SRGAP1: variants seen among roughly 807,000 people sequenced by gnomAD.
SRGAP1 encodes the protein SLIT-ROBO Rho GTPase activating protein 1.
Under a neutral mutation model 121.9 loss-of-function variants are expected in SRGAP1, and 43 were observed. The observed-to-expected ratio is 0.35, with a 90% CI of 0.28 to 0.46. The LOEUF is 0.46. SRGAP1 is among the 20% of genes least tolerant of loss of function. SRGAP1 has a pLI of 1.00. For synonymous variants in SRGAP1, 447 were observed against 485.4 expected (o/e 0.92, Z 1.04); for missense variants, 1,102 against 1,350.9 (o/e 0.82, Z 2.89).
In SRGAP1 at chr12:63,900,583, C is replaced by T. The variant is rs940837166; in HGVS notation, c.67+55700C>T. 4.0e-5 allele frequency among the ~76,000 whole-genome samples: 6 copies of T among 151,874 alleles called. No individual in the cohort carries two copies. The East Asian group carries it at 5.9e-4, about 15-fold the overall frequency. On this transcript the variant is annotated intron_variant, in intron 1 of 21. Coordinates refer to ENST00000355086, the MANE Select transcript of SRGAP1 (RefSeq NM_020762.4). ...ATCGCAGCACTTTGGGAGGATGAGG[C>T]GGGAGGATCAGATGAGGCCAGGAGT...
At position 63,936,112 on chromosome 12, in the gene SRGAP1, T is replaced by G. The variant is rs545148915; in HGVS notation, c.68-47835T>G. ...TTTATTACTAGTGTTATAATAACAG[T>G]TATTTTTTTAAAAAGAGACTGCCCA... On this transcript the variant is annotated intron_variant, in intron 1 of 21. Coordinates refer to ENST00000355086, the MANE Select transcript of SRGAP1 (RefSeq NM_020762.4). Among the ~76,000 whole-genome samples, 7 of 149,580 alleles carry G rather than the reference T, an allele frequency of 4.7e-5. No homozygotes were observed. The East Asian group carries it at 1.4e-3, about 29-fold the overall frequency.
intron 1 of SRGAP1, among the ~76,000 whole-genome samples, 191 bp downstream of exon 1, chr12:63,845,074 C>T (rs1287523243): frequency 1.3e-5 from 2 of 152,234 alleles, no homozygotes; most frequent in East Asian, 1.9e-4. Flanking sequence ...GTCAAACCCA[C>T]GGGGAGCTGG....
chr12:64,038,680 G>A (rs1452510501), intron 4 of SRGAP1: 2 of 152,164 alleles, frequency 1.3e-5, no homozygotes, highest in South Asian at 2.1e-4. Context: ...TTATCATATA[G>A]GATATCCCAA....
chr12:64,041,845 G>T (rs901605429), intron 4 of SRGAP1, among the ~76,000 whole-genome samples: 1 of 148,002 alleles, frequency 6.8e-6, no homozygotes, highest in African/African-American at 2.5e-5. Flanking sequence ...GGTTATCTTT[G>T]ATTGCTTTTT....
In SRGAP1 at chr12:64,080,358, A is replaced by G. The variant is rs750401153; in HGVS notation, c.1396A>G (p.Thr466Ala). Residue 466 changes from threonine (T) to alanine (A), a missense_variant, in exon 10 of 22, where the codon ACC (threonine) becomes GCC (alanine). Transcript: ENST00000355086. ...AGCCAAACATGACTTGCTGCAGAGGACCCTGGGAGAAGGTGAGTTATCCAA... is the reference window on the plus strand; with the variant it reads ...AGCCAAACATGACTTGCTGCAGAGGGCCCTGGGAGAAGGTGAGTTATCCAA... Reference protein sequence around the residue: ...LQAKHDLLQRTLGEGHRAEYM... With the variant: ...LQAKHDLLQRALGEGHRAEYM... 2.0e-5 allele frequency: 32 copies of G among 1,613,420 alleles called. No homozygotes were observed. Among genetic ancestry groups the G allele is most frequent in the Middle Eastern group, 3.3e-4 (2 of 6,060 alleles).
At chr12:64,013,120 G>A (rs773072807) in intron 3 of SRGAP1, among the ~76,000 whole-genome samples, 4 of 152,256 alleles carry the variant, frequency 2.6e-5, no homozygotes, top group South Asian at 2.1e-4. Context: ...TAGTAATGTC[G>A]TATGCTAACT....
intron 21 of SRGAP1, among the ~76,000 whole-genome samples, chr12:64,135,141 C>T: frequency 6.6e-6 from 1 of 152,122 alleles, no homozygotes; most frequent in East Asian, 1.9e-4. Flanking sequence ...GCTGTTTCTT[C>T]TGGCAAAAAA....
chr12:64,060,062 A>G (rs1457756541), intron 6 of SRGAP1, among the ~76,000 whole-genome samples: 1 of 152,054 alleles, frequency 6.6e-6, no homozygotes, highest in Non-Finnish European at 1.5e-5. Context: ...TAATGTGCAT[A>G]TGAATCACCT....
chr12:63,916,217 G>T (rs115673639), intron 1 of SRGAP1, among the ~76,000 whole-genome samples: 8 of 151,812 alleles, frequency 5.3e-5, no homozygotes, highest in Non-Finnish European at 1.5e-5. Flanking sequence ...TAGAAATGAG[G>T]TTTCACCATG....
chr12:63,954,688 A>AAAAAAAAGAAAG (rs57230527), intron 1 of SRGAP1, among the ~76,000 whole-genome samples: 1 of 130,220 alleles, frequency 7.7e-6, no homozygotes. Flanking sequence ...AAAAAAAAAA[A>AAAAAAAAGAAAG]AAAAGAAAAG....
At chr12:63,976,630 G>C (rs552638408) in intron 1 of SRGAP1, among the ~76,000 whole-genome samples, 1 of 152,306 alleles carries the variant, frequency 6.6e-6, no homozygotes, top group South Asian at 2.1e-4. Context: ...GCTGGTGCTA[G>C]TAATAATAAC....
chr12:64,007,545 C>G (rs1217073296), intron 3 of SRGAP1, among the ~76,000 whole-genome samples: 2 of 152,052 alleles, frequency 1.3e-5, no homozygotes, highest in East Asian at 3.9e-4. Flanking sequence ...AGTCCATGAC[C>G]CAAGGGTTGG....
At chr12:63,855,057 C>G (rs1281632574) in intron 1 of SRGAP1, among the ~76,000 whole-genome samples, 2 of 152,134 alleles carry the variant, frequency 1.3e-5, no homozygotes, top group East Asian at 1.9e-4. Flanking sequence ...TGACTTTAAA[C>G]TAGAGAGATT....
rs1194013182 is a variant in SRGAP1, at chr12:64,146,205, A to G, written c.*3533A>G. On this transcript the variant is annotated 3_prime_UTR_variant, in exon 22 of 22. Coordinates refer to ENST00000355086, the MANE Select transcript of SRGAP1 (RefSeq NM_020762.4). The stretch of plus-strand genomic sequence containing the variant: ...TCAACACCATTCAACAGCTTTGCAC[A>G]TCTTCGTACAACATAATCTGGCTTT... The G allele has an allele frequency of 3.3e-5, 5 of 152,190 alleles. No homozygotes were observed. Among genetic ancestry groups the G allele is most frequent in the African/African-American group, 1.2e-4 (5 of 41,454 alleles). The allele number at this position is 152,190 out of a possible 1,614,324, so 9.4% of individuals were successfully genotyped here.
intron 1 of SRGAP1, among the ~76,000 whole-genome samples, chr12:63,928,662 G>C (rs1054506013): frequency 6.6e-6 from 1 of 152,150 alleles, no homozygotes; most frequent in African/African-American, 2.4e-5. Flanking sequence ...CTGGGGGTGG[G>C]GGCGGTGGTG....
intron 15 of SRGAP1, among the ~76,000 whole-genome samples, chr12:64,099,237 C>G (rs887494468): frequency 3.3e-5 from 5 of 152,124 alleles, no homozygotes; most frequent in African/African-American, 1.2e-4. Flanking sequence ...AACATTAATC[C>G]TTACATCATA....
chr12:64,008,599 T>C (rs931821374), intron 3 of SRGAP1, among the ~76,000 whole-genome samples: 1 of 152,190 alleles, frequency 6.6e-6, no homozygotes, highest in African/African-American at 2.4e-5. Flanking sequence ...TTTTTGAAGA[T>C]GCGTAAATCA....
intron 6 of SRGAP1, among the ~76,000 whole-genome samples, chr12:64,052,081 C>T (rs557481529): frequency 6.6e-6 from 1 of 152,184 alleles, no homozygotes; most frequent in Non-Finnish European, 1.5e-5. Flanking sequence ...AAGAAAATGG[C>T]TCAATTGTTA....
At chr12:63,936,761 A>G (rs992845272) in intron 1 of SRGAP1, among the ~76,000 whole-genome samples, 3 of 152,212 alleles carry the variant, frequency 2.0e-5, no homozygotes, top group East Asian at 1.9e-4. Context: ...TCACTGATAT[A>G]TCAATTCTAC....
Sources: allele counts gnomAD v4.1 joint callset (sites outside exome capture counted in the v4.1 genomes callset), GRCh38; gene constraint gnomAD v4.1.1; transcripts MANE v1.5; gene names NCBI Gene and HGNC (gene_info 2026-07-23, HGNC 2026-07-21).